Variants in GREB1 observed in about 807,000 individuals in gnomAD.
The protein encoded by GREB1 is growth regulating estrogen receptor binding 1, also known as protein GREB1.
GREB1 carries 106 observed loss-of-function variants against 200.7 expected under a neutral mutation model. The observed-to-expected ratio is 0.53, with a 90% CI of 0.45 to 0.62. The LOEUF is 0.62. GREB1 is among the 20% of genes least tolerant of loss of function. The pLI is 0.00. For missense variants in GREB1, 2,243 were observed against 2,556.8 expected, an observed-to-expected ratio of 0.88 and a Z score of 2.65; for synonymous variants, 1,132 against 1,092.4, an observed-to-expected ratio of 1.04 and a Z score of -0.72.
At chr2:11,560,269 A>G (rs1423438750) in intron 2 of GREB1, among the ~76,000 whole-genome samples, 1 of 152,150 alleles carries the variant, frequency 6.6e-6, no homozygotes, top group Non-Finnish European at 1.5e-5. Context: ...TTCCAGTCCA[A>G]TCTCTTTCTA....
At position 11,637,698 on chromosome 2, in the gene GREB1, A is replaced by AC. The variant is rs762694578; in HGVS notation, c.5347-12dup. 5.0e-6 allele frequency: 8 copies of AC among 1,610,604 alleles called. No homozygotes were observed. The highest frequency in any genetic ancestry group is 6.8e-6 in the Non-Finnish European group (8 of 1,179,132). On this transcript the variant is annotated splice_polypyrimidine_tract_variant and intron_variant, in intron 30 of 32. Coordinates refer to ENST00000381486, the MANE Select transcript of GREB1 (RefSeq NM_014668.4). The stretch of plus-strand genomic sequence containing the variant: ...CCCCTCAGGGCAGTAGTGGCCTGAC[A>AC]CCCCCCTTCCCGTGCAGGTGTCTGA...
At chr2:11,538,371 C>CT (rs34428636) in intron 1 of GREB1, among the ~76,000 whole-genome samples, 74,640 of 151,946 alleles carry the variant, frequency 0.49, 20,297 homozygotes, top group South Asian at 0.65. Flanking sequence ...CCTCTTTAAC[C>CT]TTTTTTTACA....
chr2:11,634,503 G>A (rs1484375632), intron 29 of GREB1, among the ~76,000 whole-genome samples, 154 bp downstream of exon 29: 1 of 152,230 alleles, frequency 6.6e-6, no homozygotes, highest in Non-Finnish European at 1.5e-5. Flanking sequence ...GAATAATTTT[G>A]AGTATTCGCA....
intron 21 of GREB1, among the ~76,000 whole-genome samples, chr2:11,617,024 C>T (rs908944049): frequency 7.2e-5 from 11 of 152,144 alleles, no homozygotes; most frequent in Non-Finnish European, 1.3e-4. Context: ...GTGTTAGGGG[C>T]GGGTCCCCGG....
At position 11,562,480 on chromosome 2, in the gene GREB1, A is replaced by T; in HGVS notation, c.175A>T (p.Asn59Tyr). ...AALEGGSRVDNEEEEEEGEGG... is the reference protein window; with the variant it reads ...AALEGGSRVDYEEEEEEGEGG... ...GCATCTAGGTGGTAGCCGAGTGGAC[A>T]ATGAGGAAGAGGAAGAAGAGGGAGA... Residue 59 changes from asparagine (N) to tyrosine (Y), a missense_variant, in exon 3 of 33, where the codon AAT (asparagine) becomes TAT (tyrosine). Physicochemically the swap from Asn to Tyr is moderately radical, Grantham distance 143. This residue lies in a region of GREB1 where 1,178 missense variants were observed against 1,387.4 expected (regional missense o/e 0.85). Coordinates refer to ENST00000381486, the MANE Select transcript of GREB1 (RefSeq NM_014668.4). 1 of 1,611,588 alleles carries T rather than the reference A, an allele frequency of 6.2e-7. No homozygotes were observed. Among genetic ancestry groups the T allele is most frequent in the South Asian group, 1.1e-5 (1 of 90,980 alleles).
intron 1 of GREB1, among the ~76,000 whole-genome samples, chr2:11,504,290 A>G (rs1558487683): frequency 6.6e-6 from 1 of 152,238 alleles, no homozygotes; most frequent in Non-Finnish European, 1.5e-5. Flanking sequence ...GCAATTTAAA[A>G]TGTATGACTT....
Position 11,597,828 on chromosome 2 carries a change from G to A in GREB1, c.2002G>A (p.Ala668Thr), listed in dbSNP as rs1395414182. 2 of 1,614,210 alleles carry A rather than the reference G, an allele frequency of 1.2e-6. No homozygotes were observed. The highest frequency in any genetic ancestry group is 2.2e-5 in the East Asian group (1 of 44,890). The change falls in exon 14 of 33, where the codon GCG becomes ACG. Residue 668 changes from alanine (A) to threonine (T), a missense_variant. Transcript: ENST00000381486. The surrounding 1 kb of genome is among the most constrained non-coding windows in gnomAD (Gnocchi z 4.1). ...HSIRPFQLAVAQKLLSHVCSI... is the reference protein window; with the variant it reads ...HSIRPFQLAVTQKLLSHVCSI... ...CATCCGGCCCTTCCAGCTGGCAGTAGCGCAGAAGCTCCTCTCCCATGTGTG... is the reference window on the plus strand; with the variant it reads ...CATCCGGCCCTTCCAGCTGGCAGTAACGCAGAAGCTCCTCTCCCATGTGTG...
chr2:11,583,923 T>G (rs1679786525), intron 7 of GREB1, among the ~76,000 whole-genome samples: 1 of 151,924 alleles, frequency 6.6e-6, no homozygotes. Flanking sequence ...TTTCCAGAGA[T>G]GTGATTCTGG....
At chr2:11,533,683 A>C (rs1674159597), upstream of GREB1, among the ~76,000 whole-genome samples, 1 of 152,228 alleles carries the variant, frequency 6.6e-6, no homozygotes, top group African/African-American at 2.4e-5. Flanking sequence ...GCAGGGAGAA[A>C]GGCAAGCCGG....
intron 26 of GREB1, among the ~76,000 whole-genome samples, chr2:11,631,433 A>G (rs1387590394): frequency 2.6e-5 from 4 of 152,212 alleles, no homozygotes; most frequent in East Asian, 1.9e-4. Context: ...GTTAATTGCT[A>G]TATGCCAGTT....
At chr2:11,500,458 C>CT (rs1558485278) in intron 1 of GREB1, among the ~76,000 whole-genome samples, 88 of 37,536 alleles carry the variant, frequency 2.3e-3, no homozygotes, top group African/African-American at 7.7e-3. Context: ...TGTGCCTGGC[C>CT]ATTTTTTTTT....
chr2:11,484,985 G>A (rs1437065588), intron 1 of GREB1, among the ~76,000 whole-genome samples: 1 of 152,062 alleles, frequency 6.6e-6, no homozygotes, highest in East Asian at 1.9e-4. Context: ...GACTACAGGC[G>A]CCCGCCACGG....
chr2:11,626,986 A>C lies in GREB1; in HGVS notation c.4331A>C (p.Glu1444Ala). The change falls in exon 25 of 33, where the codon GAG becomes GCG. Residue 1444 changes from glutamate to alanine, a missense_variant. Around this residue, in one of 3 missense-constraint regions of GREB1, gnomAD observed 587 missense variants for 553.1 expected, o/e 1.06. Coordinates refer to ENST00000381486, the MANE Select transcript of GREB1 (RefSeq NM_014668.4). ...GACAGAGGGATGTCCCGGAAGCCGGAGGACCTTTATGTGCGGCGTCAGACG... is the reference window on the plus strand; with the variant it reads ...GACAGAGGGATGTCCCGGAAGCCGGCGGACCTTTATGTGCGGCGTCAGACG... ...SEDRGMSRKP[E>A]DLYVRRQTAR... 3 of 1,614,130 alleles carry C rather than the reference A, an allele frequency of 1.9e-6. No homozygotes were observed. The highest frequency in any genetic ancestry group is 3.3e-4 in the Middle Eastern group (2 of 6,062).
At chr2:11,592,244 T>G (rs1680802665) in intron 10 of GREB1, 1 of 232,850 alleles carries the variant, frequency 4.3e-6, no homozygotes, top group Non-Finnish European at 7.0e-6. Flanking sequence ...GGATTGATAC[T>G]TATTCCTTTT....
At chr2:11,528,851 G>T (rs911577356) in intron 1 of GREB1, among the ~76,000 whole-genome samples, 7 of 152,098 alleles carry the variant, frequency 4.6e-5, no homozygotes, top group Admixed American at 3.9e-4. Context: ...ATTGAATAAA[G>T]AATGAGCCCT....
chr2:11,627,017 G>A lies in GREB1; in HGVS notation c.4362G>A (p.Arg1454=). Residue 1454 remains arginine (R), a synonymous_variant, in exon 25 of 33, where the codon CGG becomes CGA. Transcript: ENST00000381486. The part of the protein sequence containing the change: ...EDLYVRRQTA[R]MRLSKYAAYN... Reference sequence around the variant, plus strand: ...TTTATGTGCGGCGTCAGACGGCACGGATGAGACTGTCCAAGTACGCAGCGT... The same window carrying A: ...TTTATGTGCGGCGTCAGACGGCACGAATGAGACTGTCCAAGTACGCAGCGT... The A allele has an allele frequency of 6.2e-7, 1 of 1,614,128 alleles. No homozygotes were observed. The highest frequency in any genetic ancestry group is 8.5e-7 in the Non-Finnish European group (1 of 1,179,952).
At chr2:11,535,026 A>G (rs1449537611) in intron 1 of GREB1, among the ~76,000 whole-genome samples, 1 of 152,094 alleles carries the variant, frequency 6.6e-6, no homozygotes, top group East Asian at 1.9e-4. Context: ...GGTTGATTCA[A>G]TTTGTATCAG....
chr2:11,582,497 A>AT (rs1194547288), intron 7 of GREB1, among the ~76,000 whole-genome samples: 2 of 152,040 alleles, frequency 1.3e-5, no homozygotes, highest in Non-Finnish European at 2.9e-5. Flanking sequence ...CCACCCGCCT[A>AT]TTAAATCGCC....
chr2:11,614,120 C>T (rs752697258), intron 19 of GREB1, among the ~76,000 whole-genome samples: 9 of 138,296 alleles, frequency 6.5e-5, no homozygotes, highest in Non-Finnish European at 1.2e-4. Context: ...TCACAGCGGA[C>T]TTAGATTTTT....
Sources: allele counts gnomAD v4.1 joint callset (sites outside exome capture counted in the v4.1 genomes callset), GRCh38; gene constraint gnomAD v4.1.1; regional missense constraint gnomAD v4.1.1; non-coding constraint Gnocchi (gnomAD v3.1); transcripts MANE v1.5; gene names NCBI Gene and HGNC (gene_info 2026-07-23, HGNC 2026-07-21).